Variants in RPL39L observed in about 807,000 individuals in gnomAD.
RPL39L encodes ribosomal protein eL39-like 2.
For synonymous variants in RPL39L, 16 were observed against 20.1 expected, an observed-to-expected ratio of 0.80 and a Z score of 0.55; for missense variants, 48 against 58.9, an observed-to-expected ratio of 0.81 and a Z score of 0.61.
At chr3:187,125,579 CTG>C (rs1239562159) in intron 2 of RPL39L, among the ~76,000 whole-genome samples, 1 of 151,846 alleles carries the variant, frequency 6.6e-6, no homozygotes, top group African/African-American at 2.4e-5. Context: ...TCCCTAATCA[CTG>C]TCTTTCCACA....
chr3:187,134,188 CA>C (rs1720533774), intron 1 of RPL39L, among the ~76,000 whole-genome samples: 1 of 151,606 alleles, frequency 6.6e-6, no homozygotes, highest in Admixed American at 6.6e-5. Flanking sequence ...GGAATTTCAG[CA>C]GAGAAAAAAA....
chr3:187,136,693 G>T (rs942453591), intron 1 of RPL39L, among the ~76,000 whole-genome samples: 1 of 151,762 alleles, frequency 6.6e-6, no homozygotes, highest in African/African-American at 2.4e-5. Flanking sequence ...AACATTATAA[G>T]AAGTTTCCAA....
intron 1 of RPL39L, among the ~76,000 whole-genome samples, chr3:187,135,720 A>T (rs548101635): frequency 2.0e-5 from 3 of 152,220 alleles, no homozygotes; most frequent in Non-Finnish European, 2.9e-5. Flanking sequence ...GGAAGACATA[A>T]ACCAAGTGTG....
rs566467539 is a variant in RPL39L at position 187,124,840 on chromosome 3, A to G, written c.-29+3159T>C. Among the ~76,000 whole-genome samples the G allele has an allele frequency of 1.4e-4, 21 of 152,350 alleles. No individual in the cohort carries two copies. In the South Asian group the frequency reaches 3.9e-3, roughly 29 times the overall value. The stretch of plus-strand genomic sequence containing the variant: ...TAGACCACTTAAATTAGGCCATTAA[A>G]TTAGACCACTGGGGCCATTAAATGG... On this transcript the variant is annotated intron_variant, in intron 2 of 2. Transcript: ENST00000296277.
chr3:187,132,097 G>A (rs1720493425), intron 1 of RPL39L, among the ~76,000 whole-genome samples: 1 of 152,128 alleles, frequency 6.6e-6, no homozygotes, highest in Non-Finnish European at 1.5e-5. Flanking sequence ...AGTTATGGTT[G>A]CAGGGGTCAC....
chr3:187,136,450 T>G (rs570575901), intron 1 of RPL39L, among the ~76,000 whole-genome samples: 1 of 152,152 alleles, frequency 6.6e-6, no homozygotes, highest in Non-Finnish European at 1.5e-5. Context: ...AGCAACTGAG[T>G]TGGTTCTAAT....
chr3:187,131,097 T>C (rs183085019), intron 1 of RPL39L, among the ~76,000 whole-genome samples: 1 of 152,366 alleles, frequency 6.6e-6, no homozygotes, highest in African/African-American at 2.4e-5. Context: ...TTTTTTCACA[T>C]ATACAACTCT....
intron 1 of RPL39L, among the ~76,000 whole-genome samples, chr3:187,130,698 T>C (rs972820861): frequency 6.6e-6 from 1 of 152,208 alleles, no homozygotes; most frequent in Non-Finnish European, 1.5e-5. Context: ...CTCAGATATT[T>C]CCTTACAGCA....
intron 1 of RPL39L, among the ~76,000 whole-genome samples, chr3:187,131,519 G>A (rs1720484988): frequency 6.6e-6 from 1 of 152,292 alleles, no homozygotes; most frequent in South Asian, 2.1e-4. Context: ...CTGGGAGACA[G>A]AGAGAGACTC....
At chr3:187,127,289 C>A (rs1720413700) in intron 2 of RPL39L, among the ~76,000 whole-genome samples, 2 of 144,576 alleles carry the variant, frequency 1.4e-5, no homozygotes, top group South Asian at 4.2e-4. Context: ...AATATACATC[C>A]CATAAAAAAT....
intron 2 of RPL39L, among the ~76,000 whole-genome samples, chr3:187,127,401 GA>G (rs1720416048): frequency 6.6e-6 from 1 of 152,178 alleles, no homozygotes; most frequent in African/African-American, 2.4e-5. Context: ...CCACTAGTAT[GA>G]AAAAAGGAAT....
rs1276004308 is a variant in RPL39L, at chr3:187,121,926, T to C, written c.-28-598A>G. On this transcript the variant is annotated intron_variant, in intron 2 of 2. Coordinates refer to ENST00000296277, the MANE Select transcript of RPL39L (RefSeq NM_052969.3). ...AATAACCCTTTACATTTGGAGGTCT[T>C]AAATCTTTTCCAGTGTCCTGCTATG... Among the ~76,000 whole-genome samples the C allele has an allele frequency of 5.3e-5, 8 of 152,212 alleles. No individual in the cohort carries two copies. In the East Asian group the frequency reaches 1.5e-3, roughly 29 times the overall value.
chr3:187,135,098 T>C (rs1720551683), intron 1 of RPL39L, among the ~76,000 whole-genome samples: 1 of 152,204 alleles, frequency 6.6e-6, no homozygotes, highest in South Asian at 2.1e-4. Flanking sequence ...TCTTAAGAAA[T>C]TACATGGCTG....
intron 1 of RPL39L, among the ~76,000 whole-genome samples, chr3:187,136,982 T>G (rs1720590475): frequency 6.6e-6 from 1 of 151,236 alleles, no homozygotes; most frequent in Non-Finnish European, 1.5e-5. Context: ...AGAGGATTGC[T>G]TCAACTCAGG....
chr3:187,138,866 T>G (rs1366105193), intron 1 of RPL39L, among the ~76,000 whole-genome samples: 1 of 151,880 alleles, frequency 6.6e-6, no homozygotes, highest in Non-Finnish European at 1.5e-5. Flanking sequence ...TCGAGACTGG[T>G]GTGACCAATA....
intron 2 of RPL39L, among the ~76,000 whole-genome samples, chr3:187,121,651 A>T (rs1225978476): frequency 7.2e-5 from 11 of 152,208 alleles, no homozygotes; most frequent in Non-Finnish European, 1.2e-4. Flanking sequence ...TTTCAACTTT[A>T]AAAAAGTTAC....
intron 1 of RPL39L, among the ~76,000 whole-genome samples, chr3:187,129,582 T>A (rs1720453126): frequency 6.6e-6 from 1 of 152,228 alleles, no homozygotes; most frequent in South Asian, 2.1e-4. Flanking sequence ...AATTCTAAAT[T>A]ATCCAAGACT....
chr3:187,121,046 G>T lies in RPL39L; in HGVS notation c.*99C>A. 1 of 1,315,290 alleles carries T rather than the reference G, an allele frequency of 7.6e-7. No homozygotes were observed. The highest frequency in any genetic ancestry group is 1.1e-6 in the Non-Finnish European group (1 of 926,150). The allele number at this position is 1,315,290 out of a possible 1,614,324, so 81.5% of individuals were successfully genotyped here. On this transcript the variant is annotated 3_prime_UTR_variant, in exon 3 of 3. Coordinates refer to ENST00000296277, the MANE Select transcript of RPL39L (RefSeq NM_052969.3). ...AAAAAATATTCCCAGTAAAACATGT[G>T]CAACTGTCCAGGTAGTGGTGACATT...
chr3:187,121,787 A>G (rs1720313980), intron 2 of RPL39L, among the ~76,000 whole-genome samples: 1 of 152,242 alleles, frequency 6.6e-6, no homozygotes, highest in South Asian at 2.1e-4. Context: ...CTTCCAGTTA[A>G]GACAGATGTA....
Sources: allele counts gnomAD v4.1 joint callset (sites outside exome capture counted in the v4.1 genomes callset), GRCh38; gene constraint gnomAD v4.1.1; transcripts MANE v1.5; gene names NCBI Gene and HGNC (gene_info 2026-07-23, HGNC 2026-07-21).